FAM83B: variants seen among roughly 807,000 people sequenced by gnomAD.
The protein encoded by FAM83B is scaffolding CK1 anchoring protein B.
A neutral mutation model predicts 38.8 loss-of-function variants in FAM83B; 26 were observed. The ratio of observed to expected loss-of-function variants is 0.67; its 90% CI spans 0.49 to 0.93. The LOEUF is 0.93. Ranked by LOEUF, FAM83B falls within the 40% of genes least tolerant of loss-of-function variation. The probability of loss-of-function intolerance (pLI) is 0.00; values close to 1 mark genes in which losing one functional copy is unlikely to be tolerated. For synonymous variants in FAM83B, 419 were observed against 423.1 expected (o/e 0.99, Z 0.12); for missense variants, 1,237 against 1,197.3 (o/e 1.03, Z -0.49).
At chr6:54,905,583 G>C (rs1772759874) in intron 2 of FAM83B, among the ~76,000 whole-genome samples, 1 of 152,052 alleles carries the variant, frequency 6.6e-6, no homozygotes, top group Non-Finnish European at 1.5e-5. Context: ...CTGCGCAGTA[G>C]ATCTCAAAAA....
chr6:54,894,312 CT>C lies in FAM83B; in HGVS notation c.444+23633del, dbSNP rs956425141. 5.3e-3 allele frequency among the ~76,000 whole-genome samples: 785 copies of C among 147,366 alleles called. 6 individuals carry two copies. The highest frequency in any genetic ancestry group is 5.3e-3 in the Non-Finnish European group (353 of 66,376). On this transcript the variant is annotated intron_variant, in intron 2 of 4. Coordinates refer to ENST00000306858, the MANE Select transcript of FAM83B (RefSeq NM_001010872.3). ...AATTTACAAACTTAAGTCCTAGGAACTTTTTTTTTTTCCCTGACAGAATTTG... is the reference window on the plus strand; with the variant it reads ...AATTTACAAACTTAAGTCCTAGGAACTTTTTTTTTTCCCTGACAGAATTTG...
intron 4 of FAM83B, among the ~76,000 whole-genome samples, chr6:54,939,074 C>T (rs1400745625): frequency 1.3e-5 from 2 of 152,090 alleles, no homozygotes; most frequent in Admixed American, 6.6e-5. Context: ...CATTCTTCTA[C>T]ATGTGGCTTG....
chr6:54,923,554 A>G (rs1332356645), intron 2 of FAM83B, among the ~76,000 whole-genome samples: 1 of 152,142 alleles, frequency 6.6e-6, no homozygotes, highest in Non-Finnish European at 1.5e-5. Flanking sequence ...TGACCTGGTG[A>G]GTCTTAAAGC....
Position 54,888,526 on chromosome 6 carries a change from T to C in FAM83B, c.444+17836T>C, listed in dbSNP as rs140846576. 2.2e-4 allele frequency among the ~76,000 whole-genome samples: 33 copies of C among 152,084 alleles called. No individual in the cohort carries two copies. The East Asian group carries it at 6.4e-3, about 29-fold the overall frequency. On this transcript the variant is annotated intron_variant, in intron 2 of 4. Coordinates refer to ENST00000306858, the MANE Select transcript of FAM83B (RefSeq NM_001010872.3). ...TTTATACCTGGTATGGAATAAAAGT[T>C]GTTATTATTATTATTGTTATTTAGC...
At chr6:54,884,254 A>G (rs1360175545) in intron 2 of FAM83B, among the ~76,000 whole-genome samples, 5 of 146,640 alleles carry the variant, frequency 3.4e-5, no homozygotes, top group Non-Finnish European at 7.4e-5. Context: ...GTGAGCTGAG[A>G]TCGCGCCACT....
In FAM83B at chr6:54,943,393, A is replaced by G. The variant is rs1346407150; in HGVS notation, c.*1386A>G. 2 of 152,192 alleles carry G rather than the reference A, an allele frequency of 1.3e-5. No homozygotes were observed. The highest frequency in any genetic ancestry group is 4.8e-5 in the African/African-American group (2 of 41,454). 9.4% of individuals were successfully genotyped at this position (152,192 alleles called of 1,614,324 possible). A position where few individuals can be genotyped will look rare whatever the true frequency, so the allele number is the denominator to read the frequency against. ...TTTAACTTGACTTTGCTTCATTCAC[A>G]AAGAACAGAGTTCAAGAAGCAGTGC... On this transcript the variant is annotated 3_prime_UTR_variant, in exon 5 of 5. Coordinates refer to ENST00000306858, the MANE Select transcript of FAM83B (RefSeq NM_001010872.3).
chr6:54,931,848 T>A (rs2081167421), intron 4 of FAM83B, among the ~76,000 whole-genome samples: 1 of 152,028 alleles, frequency 6.6e-6, no homozygotes, highest in African/African-American at 2.4e-5. Context: ...TTTTTTTCCA[T>A]ATGTCTTGTA....
chr6:54,864,011 T>A (rs868016028), intron 1 of FAM83B, among the ~76,000 whole-genome samples: 1 of 152,218 alleles, frequency 6.6e-6, no homozygotes, highest in South Asian at 2.1e-4. Flanking sequence ...CCATGTATAA[T>A]CCTTTGGAAT....
chr6:54,924,221 ACAC>A (rs1026500470), intron 2 of FAM83B, among the ~76,000 whole-genome samples: 5 of 151,078 alleles, frequency 3.3e-5, no homozygotes, highest in Admixed American at 2.0e-4. Context: ...ACACACGCAC[ACAC>A]CACATTTTCT....
intron 1 of FAM83B, among the ~76,000 whole-genome samples, chr6:54,848,114 G>GGGTGGC (rs1399966867): frequency 3.3e-5 from 5 of 151,764 alleles, no homozygotes; most frequent in Non-Finnish European, 5.9e-5. Context: ...GTGGGGGTGG[G>GGGTGGC]GGTGGCGGTG....
intron 2 of FAM83B, among the ~76,000 whole-genome samples, chr6:54,877,941 G>T (rs190628037): frequency 3.3e-5 from 5 of 152,234 alleles, no homozygotes; most frequent in Admixed American, 3.3e-4. Flanking sequence ...AAATGAGTCA[G>T]GTAAAAAGTA....
chr6:54,857,304 G>A (rs1034874182), intron 1 of FAM83B, among the ~76,000 whole-genome samples: 2 of 152,154 alleles, frequency 1.3e-5, no homozygotes, highest in Non-Finnish European at 2.9e-5. Context: ...TAGACTCAGA[G>A]GTGGGACAGG....
intron 2 of FAM83B, among the ~76,000 whole-genome samples, chr6:54,871,289 T>G (rs1292699629): frequency 6.6e-6 from 1 of 152,074 alleles, no homozygotes; most frequent in Non-Finnish European, 1.5e-5. Context: ...CAGATCTTAT[T>G]TTAGAACTTG....
chr6:54,857,706 T>C (rs1771474797), intron 1 of FAM83B, among the ~76,000 whole-genome samples: 1 of 152,164 alleles, frequency 6.6e-6, no homozygotes, highest in African/African-American at 2.4e-5. Flanking sequence ...TTTAAGCAGC[T>C]GTTATTTTAC....
At chr6:54,867,493 C>A (rs1415108120) in intron 1 of FAM83B, among the ~76,000 whole-genome samples, 1 of 151,980 alleles carries the variant, frequency 6.6e-6, no homozygotes, top group Non-Finnish European at 1.5e-5. Flanking sequence ...AAGTCTTGTA[C>A]ATAATATTGT....
intron 1 of FAM83B, among the ~76,000 whole-genome samples, chr6:54,861,749 A>G (rs974635155): frequency 1.3e-5 from 2 of 152,124 alleles, no homozygotes; most frequent in Non-Finnish European, 2.9e-5. Context: ...CTGTCCGATA[A>G]TGAGATGCAG....
intron 2 of FAM83B, among the ~76,000 whole-genome samples, chr6:54,877,461 G>A (rs1192097366): frequency 2.6e-5 from 4 of 152,134 alleles, no homozygotes; most frequent in Non-Finnish European, 5.9e-5. Context: ...CTGTCTTATA[G>A]TTGCTACAGA....
chr6:54,870,046 A>G (rs1771806270), intron 1 of FAM83B, 141 bp from the exon 2 acceptor site: 1 of 534,574 alleles, frequency 1.9e-6, no homozygotes, highest in Non-Finnish European at 3.3e-6. Flanking sequence ...TATTAATGTC[A>G]TTTTGGATAT....
intron 4 of FAM83B, among the ~76,000 whole-genome samples, chr6:54,935,544 G>A (rs1050746244): frequency 6.6e-6 from 1 of 152,100 alleles, no homozygotes; most frequent in African/African-American, 2.4e-5. Flanking sequence ...CATTAAGCAA[G>A]GGAAGAGCTA....
Sources: gnomAD v4.1 joint callset for allele counts (sites outside exome capture counted in the v4.1 genomes callset) on GRCh38, gnomAD v4.1.1 for gene constraint, MANE v1.5 for transcripts, NCBI Gene and HGNC (gene_info 2026-07-23, HGNC 2026-07-21) for gene names.